Variants in MITF observed in about 807,000 individuals in gnomAD.
The protein encoded by MITF is microphthalmia-associated transcription factor.
MITF carries 17 observed loss-of-function variants against 60.5 expected under a neutral mutation model. The observed-to-expected ratio is 0.28, with a 90% CI of 0.19 to 0.42. MITF has a LOEUF of 0.42. Among genes scored for constraint, MITF ranks in the 10% least tolerant of loss-of-function variants. The pLI is 1.00. For missense variants in MITF, 622 were observed against 683.5 expected (o/e 0.91, Z 1.00); for synonymous variants, 260 against 248.5 (o/e 1.05, Z -0.43).
chr3:69,778,995 C>A (rs1223600169), intron 1 of MITF: 1 of 152,110 alleles, frequency 6.6e-6, no homozygotes, highest in African/African-American at 2.4e-5. Context: ...TATAATTATT[C>A]TGTGTTTAAA....
intron 2 of MITF, among the ~76,000 whole-genome samples, chr3:69,906,367 T>C (rs946111164): frequency 1.3e-5 from 2 of 152,126 alleles, no homozygotes; most frequent in Admixed American, 1.3e-4. Flanking sequence ...AGTCTTGGAG[T>C]CAAGTATTGT....
chr3:69,965,263 A>G lies in MITF; in HGVS notation c.*15A>G, dbSNP rs1279280556. 3.7e-6 allele frequency: 6 copies of G among 1,611,888 alleles called. No homozygotes were observed. The highest frequency in any genetic ancestry group is 5.1e-6 in the Non-Finnish European group (6 of 1,178,204). On this transcript the variant is annotated 3_prime_UTR_variant, in exon 10 of 10. Transcript: ENST00000352241. The stretch of plus-strand genomic sequence containing the variant: ...ACACTTGTTAGCGAATCCTCCCTGC[A>G]CTGCATTCGCACAAACTGCTTCCTT...
intron 2 of MITF, among the ~76,000 whole-genome samples, chr3:69,925,647 C>T (rs191284208): frequency 3.7e-4 from 57 of 152,302 alleles, no homozygotes. Flanking sequence ...CTGCAAAGCC[C>T]TACAACATCT....
chr3:69,872,073 G>A (rs751737038), intron 1 of MITF, among the ~76,000 whole-genome samples: 18 of 152,128 alleles, frequency 1.2e-4, no homozygotes, highest in Non-Finnish European at 2.6e-4. Flanking sequence ...GAAAACTTGA[G>A]TGTGGGGCAC....
intron 2 of MITF, among the ~76,000 whole-genome samples, chr3:69,901,605 A>G (rs972217402): frequency 2.6e-5 from 4 of 152,154 alleles, no homozygotes; most frequent in African/African-American, 9.7e-5. Context: ...TCCCAGTGGC[A>G]CATGGTCTAA....
intron 7 of MITF, among the ~76,000 whole-genome samples, chr3:69,953,662 TAG>T (rs776961961): frequency 0.02 from 2,770 of 136,400 alleles, 42 homozygotes; most frequent in Middle Eastern, 0.056. Context: ...TATATATATA[TAG>T]AGAGAGAGAG....
At chr3:69,919,301 A>G (rs2065409187) in intron 2 of MITF, among the ~76,000 whole-genome samples, 1 of 152,220 alleles carries the variant, frequency 6.6e-6, no homozygotes, top group African/African-American at 2.4e-5. Flanking sequence ...CATGGGTATC[A>G]TTTGAGACAA....
At chr3:69,802,489 T>C (rs1246692990) in intron 1 of MITF, among the ~76,000 whole-genome samples, 1 of 152,096 alleles carries the variant, frequency 6.6e-6, no homozygotes, top group African/African-American at 2.4e-5. Context: ...TCAGATAATA[T>C]TCTGATGGCT....
chr3:69,821,011 G>C (rs1431666530), intron 1 of MITF, among the ~76,000 whole-genome samples: 1 of 152,014 alleles, frequency 6.6e-6, no homozygotes, highest in African/African-American at 2.4e-5. Context: ...CTCGTTGTAG[G>C]ATATTTTCCA....
Position 69,842,817 on chromosome 3 carries a change from T to C in MITF, c.105-36317T>C, listed in dbSNP as rs574167074. 2.2e-4 allele frequency among the ~76,000 whole-genome samples: 34 copies of C among 152,210 alleles called. 1 individual carries two copies. The highest frequency in any genetic ancestry group is 2.2e-3 in the Admixed American group (34 of 15,284). On this transcript the variant is annotated intron_variant, in intron 1 of 9. Coordinates refer to ENST00000352241, the MANE Select transcript of MITF (RefSeq NM_001354604.2). Reference sequence around the variant, plus strand: ...CAGGAGCCCAGTGTGGAACCCAACCTCCCCATCACCACCCCAGGGGTTCCA... The same window carrying C: ...CAGGAGCCCAGTGTGGAACCCAACCCCCCCATCACCACCCCAGGGGTTCCA...
intron 1 of MITF, among the ~76,000 whole-genome samples, chr3:69,744,484 G>A (rs1703647346): frequency 6.6e-6 from 1 of 152,122 alleles, no homozygotes; most frequent in Non-Finnish European, 1.5e-5. Context: ...TTCCTCATCT[G>A]GCAAATAGGG....
intron 1 of MITF, among the ~76,000 whole-genome samples, chr3:69,831,477 T>G (rs1262308615): frequency 6.6e-6 from 1 of 152,192 alleles, no homozygotes; most frequent in East Asian, 1.9e-4. Context: ...AGTAATACCA[T>G]ATCTTTTGCA....
At chr3:69,902,868 A>T in intron 2 of MITF, among the ~76,000 whole-genome samples, 1 of 151,594 alleles carries the variant, frequency 6.6e-6, no homozygotes, top group African/African-American at 2.4e-5. Context: ...TTAAGGTAAA[A>T]TGCAGAAAAA....
intron 1 of MITF, among the ~76,000 whole-genome samples, chr3:69,818,115 C>G (rs1181566014): frequency 6.6e-6 from 1 of 152,102 alleles, no homozygotes; most frequent in Admixed American, 6.5e-5. Flanking sequence ...TTTTCCTGGG[C>G]CAGTCTATAC....
chr3:69,917,674 C>T (rs2065366887), intron 2 of MITF, among the ~76,000 whole-genome samples: 1 of 152,110 alleles, frequency 6.6e-6, no homozygotes, highest in Admixed American at 6.6e-5. Flanking sequence ...TGTAAAGAGT[C>T]AAGAATCGTA....
intron 1 of MITF, among the ~76,000 whole-genome samples, chr3:69,832,501 A>G (rs1335052062): frequency 1.3e-5 from 2 of 152,176 alleles, no homozygotes; most frequent in Non-Finnish European, 2.9e-5. Context: ...AACTTTCTAG[A>G]TAGGCCTTTC....
At chr3:69,951,047 A>G (rs947853294) in intron 6 of MITF, among the ~76,000 whole-genome samples, 10 of 149,690 alleles carry the variant, frequency 6.7e-5, no homozygotes, top group African/African-American at 9.8e-5. Context: ...AGTTCATTCT[A>G]TGAAGTAGTG....
At position 69,879,290 on chromosome 3, in the gene MITF, AC is replaced by A. The variant is rs1559693125; in HGVS notation, c.262del (p.Gln88ArgfsTer5). Reference protein sequence around the residue: ...QKLQAAQFMQQRVPVSQTPAI... With the variant: ...QKLQAAQFMQXRVPVSQTPAI... Reference sequence around the variant, plus strand: ...AGCTGCAGGCGGCCCAGTTCATGCAACAGAGAGTGCCCGTGAGTCAGACACC... The same window carrying A: ...AGCTGCAGGCGGCCCAGTTCATGCAAAGAGAGTGCCCGTGAGTCAGACACC... On this transcript the variant is annotated frameshift_variant, in exon 2 of 10. Transcript: ENST00000352241. LOFTEE classifies it high-confidence loss of function. The A allele has an allele frequency of 6.2e-7, 1 of 1,614,236 alleles. No homozygotes were observed. Among genetic ancestry groups the A allele is most frequent in the Non-Finnish European group, 8.5e-7 (1 of 1,180,042 alleles).
At chr3:69,843,554 G>T (rs1253358482) in intron 1 of MITF, among the ~76,000 whole-genome samples, 1 of 152,052 alleles carries the variant, frequency 6.6e-6, no homozygotes, top group Non-Finnish European at 1.5e-5. Flanking sequence ...TCTGTCTTGT[G>T]GGTGTTACAA....
Sources: gnomAD v4.1 joint callset for allele counts (sites outside exome capture counted in the v4.1 genomes callset) on GRCh38, gnomAD v4.1.1 for gene constraint, MANE v1.5 for transcripts, NCBI Gene and HGNC (gene_info 2026-07-23, HGNC 2026-07-21) for gene names.